The following OSBPL6 variants were observed in gnomAD, a reference collection of about 807,000 sequenced individuals.
The protein encoded by OSBPL6 is oxysterol binding protein like 6.
In OSBPL6, 49 loss-of-function variants were observed where a neutral mutation model predicts 125.8. That is an observed-to-expected ratio of 0.39 (90% CI 0.31 to 0.49). The LOEUF is 0.49. Ranked by LOEUF, OSBPL6 falls within the 20% of genes least tolerant of loss-of-function variation. The probability of loss-of-function intolerance (pLI) is 0.88; values close to 1 mark genes in which losing one functional copy is unlikely to be tolerated. For missense variants in OSBPL6, 986 were observed against 1,135.4 expected, an observed-to-expected ratio of 0.87 and a Z score of 1.89; for synonymous variants, 394 against 391.8, an observed-to-expected ratio of 1.01 and a Z score of -0.07.
intron 1 of OSBPL6, among the ~76,000 whole-genome samples, chr2:178,244,776 A>G (rs1201163040): frequency 6.6e-6 from 1 of 152,240 alleles, no homozygotes; most frequent in Non-Finnish European, 1.5e-5. Context: ...TCAAATGGAA[A>G]AAAGCACTTA....
chr2:178,208,606 T>C (rs1326176671), intron 1 of OSBPL6, among the ~76,000 whole-genome samples: 1 of 151,726 alleles, frequency 6.6e-6, no homozygotes, highest in African/African-American at 2.4e-5. Context: ...TGTTTTCCTC[T>C]TCTTTGCTTG....
chr2:178,306,702 G>T (rs1442263432), intron 3 of OSBPL6, among the ~76,000 whole-genome samples: 1 of 152,144 alleles, frequency 6.6e-6, no homozygotes, highest in Non-Finnish European at 1.5e-5. Context: ...TGTGGAATCT[G>T]GTAACAGCTA....
chr2:178,299,872 T>C (rs2154054209), intron 2 of OSBPL6, among the ~76,000 whole-genome samples: 1 of 152,302 alleles, frequency 6.6e-6, no homozygotes, highest in East Asian at 1.9e-4. Context: ...GGGTTTGTCT[T>C]ATTCATTTAC....
At chr2:178,367,032 A>AT (rs1427013863) in intron 13 of OSBPL6, among the ~76,000 whole-genome samples, 1 of 152,252 alleles carries the variant, frequency 6.6e-6, no homozygotes, top group African/African-American at 2.4e-5. Flanking sequence ...CAGTAACAGC[A>AT]TAAGTGTCCA....
At chr2:178,241,565 A>G (rs937488937) in intron 1 of OSBPL6, among the ~76,000 whole-genome samples, 8 of 151,066 alleles carry the variant, frequency 5.3e-5, no homozygotes, top group African/African-American at 9.8e-5. Context: ...ACAGGCTCGC[A>G]CTACTATGCC....
intron 13 of OSBPL6, among the ~76,000 whole-genome samples, chr2:178,371,790 G>A (rs1472848343): frequency 6.6e-6 from 1 of 152,032 alleles, no homozygotes; most frequent in African/African-American, 2.4e-5. Context: ...TTCATCACAG[G>A]CTGCAAAAAG....
intron 11 of OSBPL6, among the ~76,000 whole-genome samples, chr2:178,342,456 G>A (rs1483421248): frequency 1.3e-5 from 2 of 152,156 alleles, no homozygotes; most frequent in Admixed American, 6.5e-5. Flanking sequence ...TTATTCTTGT[G>A]TAGGTTAGAT....
At chr2:178,255,284 C>T (rs9288015) in intron 1 of OSBPL6, among the ~76,000 whole-genome samples, 2,351 of 152,262 alleles carry the variant, frequency 0.015, 62 homozygotes, top group African/African-American at 0.053. Flanking sequence ...AGCCTGGCCA[C>T]GCAACAGGGC....
chr2:178,293,995 AG>A (rs1685510514), intron 2 of OSBPL6, among the ~76,000 whole-genome samples: 1 of 152,184 alleles, frequency 6.6e-6, no homozygotes, highest in Non-Finnish European at 1.5e-5. Flanking sequence ...TAAAACTTTT[AG>A]AAAAAAATAG....
chr2:178,277,861 G>A (rs1334518884), intron 1 of OSBPL6, among the ~76,000 whole-genome samples: 1 of 152,034 alleles, frequency 6.6e-6, no homozygotes, highest in Non-Finnish European at 1.5e-5. Flanking sequence ...CGTTTGTTCT[G>A]CGGCTAGATC....
intron 1 of OSBPL6, among the ~76,000 whole-genome samples, chr2:178,224,898 GC>G (rs2090484487): frequency 1.3e-5 from 2 of 152,194 alleles, no homozygotes; most frequent in Non-Finnish European, 2.9e-5. Context: ...TTGTACCACT[GC>G]ACTCCAGCTT....
chr2:178,311,532 C>T (rs1025562320), intron 3 of OSBPL6, among the ~76,000 whole-genome samples: 1 of 152,226 alleles, frequency 6.6e-6, no homozygotes, highest in Non-Finnish European at 1.5e-5. Flanking sequence ...TTATTTCACT[C>T]AATAATGTAT....
At chr2:178,300,456 G>A (rs1035338275) in intron 2 of OSBPL6, among the ~76,000 whole-genome samples, 1 of 152,156 alleles carries the variant, frequency 6.6e-6, no homozygotes, top group Non-Finnish European at 1.5e-5. Context: ...TGCTTTTTTT[G>A]TCTGTTTACA....
At chr2:178,232,163 A>G (rs1371255486) in intron 1 of OSBPL6, among the ~76,000 whole-genome samples, 2 of 152,276 alleles carry the variant, frequency 1.3e-5, no homozygotes, top group South Asian at 2.1e-4. Context: ...AACATTTGCT[A>G]TATTTTGCTG....
intron 11 of OSBPL6, among the ~76,000 whole-genome samples, chr2:178,341,036 T>G (rs1690146444): frequency 6.6e-6 from 1 of 152,210 alleles, no homozygotes; most frequent in Non-Finnish European, 1.5e-5. Context: ...ACAAGAAAAT[T>G]ACTTAAAATT....
chr2:178,347,293 A>G (rs1305755992), intron 11 of OSBPL6, among the ~76,000 whole-genome samples: 1 of 152,194 alleles, frequency 6.6e-6, no homozygotes, highest in African/African-American at 2.4e-5. Context: ...ACCTGAATGC[A>G]GATAAAATCC....
intron 1 of OSBPL6, among the ~76,000 whole-genome samples, chr2:178,218,595 T>C (rs1289553515): frequency 6.6e-6 from 1 of 151,324 alleles, no homozygotes; most frequent in African/African-American, 2.4e-5. Flanking sequence ...TTTTACTGAC[T>C]TTTTTCTCTC....
intron 20 of OSBPL6, among the ~76,000 whole-genome samples, chr2:178,388,595 T>C (rs1039353777): frequency 1.3e-5 from 2 of 152,248 alleles, no homozygotes; most frequent in Non-Finnish European, 2.9e-5. Context: ...ATCTGCCATC[T>C]GTGCTTACAC....
chr2:178,232,264 T>C (rs1038883840), intron 1 of OSBPL6, among the ~76,000 whole-genome samples: 5 of 152,230 alleles, frequency 3.3e-5, no homozygotes, highest in Admixed American at 6.5e-5. Context: ...ATATCAATTA[T>C]TGCTTTTTTT....
Sources: gnomAD v4.1 joint callset for allele counts (sites outside exome capture counted in the v4.1 genomes callset) on GRCh38, gnomAD v4.1.1 for gene constraint, MANE v1.5 for transcripts, NCBI Gene and HGNC (gene_info 2026-07-23, HGNC 2026-07-21) for gene names.